The following PALM2AKAP2 variants were observed in gnomAD, a reference collection of about 807,000 sequenced individuals.
PALM2AKAP2 encodes the protein PALM2-AKAP2 fusion protein.
PALM2AKAP2 carries 37 observed loss-of-function variants against 71.5 expected under a neutral mutation model. The ratio of observed to expected loss-of-function variants is 0.52; its 90% confidence interval spans 0.40 to 0.68. The LOEUF (loss-of-function observed/expected upper bound fraction) is 0.68. Ranked by LOEUF, PALM2AKAP2 falls within the 30% of genes least tolerant of loss-of-function variation. The probability of loss-of-function intolerance (pLI) is 0.00; values close to 1 mark genes in which losing one functional copy is unlikely to be tolerated. For synonymous variants in PALM2AKAP2, 468 were observed against 478.8 expected, an observed-to-expected ratio of 0.98 and a Z score of 0.29; for missense variants, 1,224 against 1,191.8, an observed-to-expected ratio of 1.03 and a Z score of -0.40.
At chr9:110,048,532 TGA>T, upstream of PALM2AKAP2, 1 of 627,280 alleles carries the variant, frequency 1.6e-6, no homozygotes, top group Non-Finnish European at 2.6e-6. Flanking sequence ...CCGAAGCCAC[TGA>T]GAGGAGAAGG....
At chr9:110,029,316 C>T (rs1273058111) in intron 7 of PALM2AKAP2, among the ~76,000 whole-genome samples, 1 of 152,186 alleles carries the variant, frequency 6.6e-6, no homozygotes, top group Non-Finnish European at 1.5e-5. Context: ...ATTTCATTTT[C>T]TGCAGATAGC....
intron 1 of PALM2AKAP2, among the ~76,000 whole-genome samples, chr9:109,768,032 A>AAG (rs1829188877): frequency 2.1e-5 from 1 of 47,130 alleles, no homozygotes; most frequent in African/African-American, 1.8e-4. Flanking sequence ...AAGGAAGGAA[A>AAG]GAAAAAGAGG....
intron 1 of PALM2AKAP2, among the ~76,000 whole-genome samples, chr9:109,713,592 A>G (rs1015251238): frequency 2.0e-5 from 3 of 152,204 alleles, no homozygotes; most frequent in Non-Finnish European, 4.4e-5. Flanking sequence ...TACCTTGTTG[A>G]AAATCAAATG....
chr9:109,810,948 G>A (rs890080151), intron 1 of PALM2AKAP2, among the ~76,000 whole-genome samples: 6 of 152,116 alleles, frequency 3.9e-5, no homozygotes, highest in Admixed American at 2.0e-4. Flanking sequence ...GACTGCTTCC[G>A]TTTTCTCAGT....
rs1191272362 is a variant in PALM2AKAP2, at chr9:109,882,444, A to G, written c.257+1763A>G. Among the ~76,000 whole-genome samples, 3 of 152,228 alleles carry G rather than the reference A, an allele frequency of 2.0e-5. No homozygotes were observed. In the South Asian group the frequency reaches 6.2e-4, roughly 32 times the overall value. ...TTGGAGGGTTTGTGTGTACATATAC[A>G]TATGTATACTCACACACACCCGTGT... On this transcript the variant is annotated intron_variant, in intron 3 of 9. Coordinates refer to the PALM2AKAP2 transcript ENST00000302798.
intron 1 of PALM2AKAP2, among the ~76,000 whole-genome samples, chr9:110,053,527 C>CAAAAAAAAAAAAAAAAAAAAAAAAAAAA (rs56132919): frequency 4.8e-5 from 4 of 82,874 alleles, no homozygotes; most frequent in Non-Finnish European, 9.0e-5. Flanking sequence ...AACTCTGTCT[C>CAAAAAAAAAAAAAAAAAAAAAAAAAAAA]AAAAAAAAAA....
At chr9:109,865,850 A>G (rs1382860269) in intron 1 of PALM2AKAP2, among the ~76,000 whole-genome samples, 1 of 152,236 alleles carries the variant, frequency 6.6e-6, no homozygotes, top group Non-Finnish European at 1.5e-5. Flanking sequence ...CAGCTGGACC[A>G]GGAAGCCCTA....
chr9:109,788,907 C>G (rs1827035489), intron 1 of PALM2AKAP2, among the ~76,000 whole-genome samples: 1 of 152,176 alleles, frequency 6.6e-6, no homozygotes, highest in Non-Finnish European at 1.5e-5. Context: ...CCACTGCACT[C>G]CAGACTGGGC....
intron 6 of PALM2AKAP2, among the ~76,000 whole-genome samples, chr9:109,935,731 G>A (rs538542919): frequency 6.6e-6 from 1 of 152,140 alleles, no homozygotes; most frequent in African/African-American, 2.4e-5. Context: ...TTGAGTGTCA[G>A]CTTCCAGCAC....
At chr9:109,963,332 A>G (rs1340504935) in intron 6 of PALM2AKAP2, among the ~76,000 whole-genome samples, 1 of 152,226 alleles carries the variant, frequency 6.6e-6, no homozygotes, top group Non-Finnish European at 1.5e-5. Flanking sequence ...CTGAAAGTTC[A>G]AGGTCAAGCC....
At chr9:109,865,516 T>C (rs949622899) in intron 1 of PALM2AKAP2, among the ~76,000 whole-genome samples, 1 of 152,160 alleles carries the variant, frequency 6.6e-6, no homozygotes, top group Admixed American at 6.5e-5. Context: ...CCACTGCCCA[T>C]ACTGCCTGGT....
chr9:109,836,315 G>C (rs1369735472), intron 1 of PALM2AKAP2, among the ~76,000 whole-genome samples: 1 of 152,196 alleles, frequency 6.6e-6, no homozygotes, highest in Admixed American at 6.5e-5. Flanking sequence ...TGCAGCTGAG[G>C]GTCCTGACTG....
At chr9:109,687,012 AT>A (rs1827815027) in intron 1 of PALM2AKAP2, among the ~76,000 whole-genome samples, 1 of 152,068 alleles carries the variant, frequency 6.6e-6, no homozygotes, top group Non-Finnish European at 1.5e-5. Context: ...TGAACTCATC[AT>A]TTTTTATGGC....
At chr9:109,672,640 C>G (rs1827591182) in intron 1 of PALM2AKAP2, among the ~76,000 whole-genome samples, 1 of 152,118 alleles carries the variant, frequency 6.6e-6, no homozygotes, top group African/African-American at 2.4e-5. Context: ...AGGGAGAAGT[C>G]TCTCCTGCTC....
intron 1 of PALM2AKAP2, among the ~76,000 whole-genome samples, chr9:109,804,280 G>A (rs754558242): frequency 5.9e-5 from 9 of 152,178 alleles, no homozygotes; most frequent in Non-Finnish European, 1.0e-4. Context: ...ATGGCATCTT[G>A]GTGGGTCAAA....
chr9:109,835,153 G>T (rs1828424620), intron 1 of PALM2AKAP2, among the ~76,000 whole-genome samples: 1 of 151,768 alleles, frequency 6.6e-6, no homozygotes, highest in Admixed American at 6.6e-5. Flanking sequence ...ACTGGCAGAG[G>T]TGGAGGGAAA....
rs548302476 is a variant in PALM2AKAP2 at position 110,122,134 on chromosome 9, G to C, written c.157-13993G>C. ...TGTAGCCTTGACCTCCCAGGCTCAA[G>C]TTCCTCCTGCCTCAGCCTCCCAAGT... On this transcript the variant is annotated intron_variant, in intron 1 of 3. Transcript: ENST00000374525. 5.3e-5 allele frequency among the ~76,000 whole-genome samples: 8 copies of C among 152,230 alleles called. No individual in the cohort carries two copies. The East Asian group carries it at 1.2e-3, about 22-fold the overall frequency.
intron 1 of PALM2AKAP2, among the ~76,000 whole-genome samples, chr9:109,843,891 C>T (rs577320386): frequency 4.6e-5 from 7 of 152,312 alleles, no homozygotes; most frequent in East Asian, 1.9e-4. Flanking sequence ...ACAGTTGTCA[C>T]GGCTCACATC....
intron 1 of PALM2AKAP2, among the ~76,000 whole-genome samples, chr9:109,710,827 G>A (rs1044415429): frequency 5.3e-5 from 8 of 152,162 alleles, no homozygotes; most frequent in African/African-American, 1.9e-4. Flanking sequence ...GCAGCCAATG[G>A]TGTCTGCCAT....
Sources: gnomAD v4.1 joint callset for allele counts (sites outside exome capture counted in the v4.1 genomes callset) on GRCh38, gnomAD v4.1.1 for gene constraint, MANE v1.5 for transcripts, NCBI Gene and HGNC (gene_info 2026-07-23, HGNC 2026-07-21) for gene names.